Variants in SCN11A observed in about 807,000 individuals in gnomAD.
SCN11A encodes sodium channel protein type 11 subunit alpha.
SCN11A carries 122 observed loss-of-function variants against 162.2 expected under a neutral mutation model. The ratio of observed to expected loss-of-function variants is 0.75; its 90% CI spans 0.65 to 0.87. The LOEUF (loss-of-function observed/expected upper bound fraction) is 0.87. Among genes scored for constraint, SCN11A ranks in the 40% least tolerant of loss-of-function variants. SCN11A has a pLI of 0.00. For missense variants in SCN11A, 2,015 were observed against 2,181.6 expected (o/e 0.92, Z 1.52); for synonymous variants, 758 against 751.5 (o/e 1.01, Z -0.14).
intron 19 of SCN11A, among the ~76,000 whole-genome samples, chr3:38,893,287 TAAAAG>T (rs1344582874): frequency 6.6e-6 from 1 of 152,022 alleles, no homozygotes; most frequent in Non-Finnish European, 1.5e-5. Flanking sequence ...TTTATAATGA[TAAAAG>T]AACCAAAATA....
In SCN11A at chr3:38,846,845, T is replaced by A. The variant is rs774850265; in HGVS notation, c.5225A>T (p.Lys1742Met). The change falls in exon 30 of 30, where the codon AAG becomes ATG. Residue 1742 changes from lysine (K) to methionine (M), a missense_variant. Physicochemically the swap from Lys to Met is moderately conservative, Grantham distance 95. Transcript: ENST00000302328. ...CTTCATCATGTACTTTCGAAAGGCC[T>A]TTTGAATAATAGCAGCACCTCTTTC... ...EEERGAAIIQ[K>M]AFRKYMMKVT... The A allele has an allele frequency of 1.2e-6, 2 of 1,614,128 alleles. No individual in the cohort carries two copies. Among genetic ancestry groups the A allele is most frequent in the East Asian group, 4.5e-5 (2 of 44,874 alleles).
chr3:38,900,309 G>C (rs2065678881), intron 16 of SCN11A, among the ~76,000 whole-genome samples: 1 of 152,144 alleles, frequency 6.6e-6, no homozygotes, highest in Admixed American at 6.5e-5. Flanking sequence ...CAAGCTCACA[G>C]ACACCAGAAT....
intron 28 of SCN11A, among the ~76,000 whole-genome samples, chr3:38,852,545 C>A (rs2064800035): frequency 1.3e-5 from 2 of 152,156 alleles, no homozygotes; most frequent in African/African-American, 4.8e-5. Flanking sequence ...AGTGTGACTC[C>A]TATACCTCAG....
At chr3:38,988,565 C>T (rs944429907) in intron 2 of SCN11A, among the ~76,000 whole-genome samples, 1 of 151,982 alleles carries the variant, frequency 6.6e-6, no homozygotes, top group African/African-American at 2.4e-5. Flanking sequence ...TTTCTGAAAG[C>T]CATCGCCTCA....
intron 7 of SCN11A, 116 bp downstream of exon 7, chr3:38,945,295 C>A: frequency 1.6e-6 from 1 of 639,876 alleles, no homozygotes; most frequent in Non-Finnish European, 2.7e-6. Flanking sequence ...CTGATTCTGC[C>A]AACATATGTG....
chr3:38,923,685 C>G (rs2066089552), intron 9 of SCN11A, among the ~76,000 whole-genome samples: 1 of 152,134 alleles, frequency 6.6e-6, no homozygotes, highest in African/African-American at 2.4e-5. Flanking sequence ...CACTGCCATC[C>G]CTTGCTTGGA....
intron 4 of SCN11A, among the ~76,000 whole-genome samples, 102 bp downstream of exon 4, chr3:38,953,527 A>G (rs747443018): frequency 3.3e-5 from 5 of 152,160 alleles, no homozygotes; most frequent in Non-Finnish European, 7.4e-5. Context: ...TAGCAAATCA[A>G]ATTACAGGGG....
intron 2 of SCN11A, among the ~76,000 whole-genome samples, chr3:38,968,758 G>A (rs2066799122): frequency 6.6e-6 from 1 of 152,132 alleles, no homozygotes; most frequent in African/African-American, 2.4e-5. Flanking sequence ...CCACCTAATA[G>A]CTGTGTGATC....
At chr3:38,989,164 G>C (rs1333890358) in intron 2 of SCN11A, among the ~76,000 whole-genome samples, 2 of 152,170 alleles carry the variant, frequency 1.3e-5, no homozygotes, top group Non-Finnish European at 2.9e-5. Context: ...ATGCTGGGGA[G>C]ACCACAAGTA....
At position 38,943,134 on chromosome 3, in the gene SCN11A, G is replaced by GA. The variant is rs200882109; in HGVS notation, c.488+2276dup. On this transcript the variant is annotated intron_variant, in intron 7 of 29. Coordinates refer to ENST00000302328, the MANE Select transcript of SCN11A (RefSeq NM_001349253.2). Reference sequence around the variant, plus strand: ...ATGGAATCCAACTTAGCAACAAAAAGAAAAAAAAAATGTAGAAATATACAC... The same window carrying GA: ...ATGGAATCCAACTTAGCAACAAAAAGAAAAAAAAAAATGTAGAAATATACAC... 2.4e-3 allele frequency among the ~76,000 whole-genome samples: 345 copies of GA among 145,430 alleles called. 2 individuals carry two copies. Among genetic ancestry groups the GA allele is most frequent in the East Asian group, 0.015 (73 of 5,016 alleles).
At chr3:39,009,843 A>ATTTTTTTTTTTTT (rs60263866) in intron 2 of SCN11A, among the ~76,000 whole-genome samples, 1 of 115,316 alleles carries the variant, frequency 8.7e-6, no homozygotes. Flanking sequence ...CGCTCAGCTA[A>ATTTTTTTTTTTTT]TTTTTTTTTT....
intron 2 of SCN11A, among the ~76,000 whole-genome samples, chr3:38,965,462 A>G (rs2066775869): frequency 6.6e-6 from 1 of 151,822 alleles, no homozygotes; most frequent in South Asian, 2.1e-4. Flanking sequence ...CTCACCTCTC[A>G]TCTTGACCAT....
chr3:38,909,073 T>C lies in SCN11A; in HGVS notation c.1223A>G (p.Lys408Arg), dbSNP rs149399418. ...GGCCTCTATCTCTGCAGCTACATTC[T>C]TGTTCTGCTCCTCATATGCCATGGT... is the stretch of plus-strand genomic sequence containing the variant. ...VVTMAYEEQN[K>R]NVAAEIEAKE... The change falls in exon 13 of 30, where the codon AAG becomes AGG. Residue 408 changes from lysine to arginine, a missense_variant. Lys to Arg is a conservative substitution (Grantham distance 26). Coordinates refer to ENST00000302328, the MANE Select transcript of SCN11A (RefSeq NM_001349253.2). 2.5e-5 allele frequency: 40 copies of C among 1,614,148 alleles called. No individual in the cohort carries two copies. The African/African-American group carries it at 4.5e-4, about 18-fold the overall frequency.
chr3:38,945,551 G>T (rs1260172159), intron 6 of SCN11A, 39 bp from the exon 7 acceptor site: 4 of 1,392,338 alleles, frequency 2.9e-6, no homozygotes, highest in Non-Finnish European at 3.9e-6. Flanking sequence ...TTGCAGGATG[G>T]CATGCATCAT....
intron 2 of SCN11A, among the ~76,000 whole-genome samples, chr3:38,999,915 T>C (rs763995349): frequency 1.1e-4 from 17 of 152,180 alleles, no homozygotes; most frequent in South Asian, 4.1e-4. Flanking sequence ...TTGGTGAAAG[T>C]ACTAATTGGA....
At chr3:38,852,280 A>G (rs536339417) in intron 28 of SCN11A, among the ~76,000 whole-genome samples, 4 of 152,258 alleles carry the variant, frequency 2.6e-5, no homozygotes, top group African/African-American at 9.6e-5. Flanking sequence ...GAGCCAGGAG[A>G]AGACACTAGA....
intron 7 of SCN11A, among the ~76,000 whole-genome samples, chr3:38,940,126 C>T (rs1270276548): frequency 6.6e-6 from 1 of 150,522 alleles, no homozygotes; most frequent in Middle Eastern, 3.2e-3. Flanking sequence ...AAGAAAAGAC[C>T]ACATTTATAA....
intron 19 of SCN11A, among the ~76,000 whole-genome samples, chr3:38,886,562 T>G (rs1446220450): frequency 1.3e-5 from 2 of 152,210 alleles, no homozygotes; most frequent in Non-Finnish European, 2.9e-5. Flanking sequence ...TAATATATTT[T>G]AAATGTGCTC....
intron 11 of SCN11A, among the ~76,000 whole-genome samples, chr3:38,913,200 T>C (rs916726055): frequency 2.0e-5 from 3 of 152,196 alleles, no homozygotes; most frequent in Non-Finnish European, 4.4e-5. Context: ...TAGTACCTTA[T>C]TGTGGTTCTG....
Sources: allele counts gnomAD v4.1 joint callset (sites outside exome capture counted in the v4.1 genomes callset), GRCh38; gene constraint gnomAD v4.1.1; transcripts MANE v1.5; gene names NCBI Gene and HGNC (gene_info 2026-07-23, HGNC 2026-07-21).